RIPOR2: variants seen among roughly 807,000 people sequenced by gnomAD.
RIPOR2 encodes rho family-interacting cell polarization regulator 2.
In RIPOR2, 39 loss-of-function variants were observed where a neutral mutation model predicts 114.5. The ratio of observed to expected loss-of-function variants is 0.34; its 90% CI spans 0.26 to 0.44. RIPOR2 has a LOEUF of 0.44. Ranked by LOEUF, RIPOR2 falls within the 20% of genes least tolerant of loss-of-function variation. The probability of loss-of-function intolerance (pLI) is 1.00; values close to 1 mark genes in which losing one functional copy is unlikely to be tolerated. For synonymous variants in RIPOR2, 445 were observed against 484.4 expected (o/e 0.92, Z 1.07); for missense variants, 1,007 against 1,255.1 (o/e 0.80, Z 2.99).
chr6:25,008,845 A>G (rs772748265), intron 1 of RIPOR2, among the ~76,000 whole-genome samples: 1 of 152,238 alleles, frequency 6.6e-6, no homozygotes, highest in Non-Finnish European at 1.5e-5. Flanking sequence ...GTCTCCTTCC[A>G]TTCCCTCTAG....
At chr6:24,922,116 C>G (rs1770541375) in intron 1 of RIPOR2, among the ~76,000 whole-genome samples, 1 of 152,118 alleles carries the variant, frequency 6.6e-6, no homozygotes, top group Admixed American at 6.6e-5. Flanking sequence ...CAGGCATGAG[C>G]CACCACGCCT....
At chr6:24,837,409 C>T (rs1012804007) in intron 14 of RIPOR2, among the ~76,000 whole-genome samples, 31 of 151,962 alleles carry the variant, frequency 2.0e-4, no homozygotes, top group African/African-American at 7.3e-4. Context: ...AGTGAGCCAC[C>T]ACTCCCGGCC....
chr6:24,824,923 A>G (rs1760022614), intron 19 of RIPOR2, among the ~76,000 whole-genome samples: 1 of 152,236 alleles, frequency 6.6e-6, no homozygotes, highest in Admixed American at 6.5e-5. Context: ...TAACCATGAT[A>G]TATTACATTT....
chr6:25,007,234 A>T (rs1006697357), intron 1 of RIPOR2, among the ~76,000 whole-genome samples: 1 of 152,164 alleles, frequency 6.6e-6, no homozygotes, highest in Non-Finnish European at 1.5e-5. Context: ...AACAGAGGCT[A>T]TTCTGTGTCT....
rs772580001 is a variant in RIPOR2, at chr6:25,041,928, G to A, written c.-2C>T. On this transcript the variant is annotated 5_prime_UTR_variant, in exon 1 of 14. Transcript: ENST00000510784. ...GTGTAATCGCGAAGGTAACACCATG[G>A]TCCCAACAGAGCGGCCTAAAACCTG... The A allele has an allele frequency of 5.8e-5, 41 of 702,512 alleles. No homozygotes were observed. The highest frequency in any genetic ancestry group is 4.6e-4 in the Middle Eastern group (2 of 4,390). 43.5% of individuals were successfully genotyped at this position (702,512 alleles called of 1,614,324 possible). A position where few individuals can be genotyped will look rare whatever the true frequency, so the allele number is the denominator to read the frequency against.
intron 1 of RIPOR2, among the ~76,000 whole-genome samples, chr6:25,008,347 C>T (rs996322870): frequency 6.6e-6 from 1 of 152,158 alleles, no homozygotes; most frequent in African/African-American, 2.4e-5. Context: ...GGAGATGGCC[C>T]TGGATCATGC....
chr6:24,846,021 A>G (rs546702200), intron 12 of RIPOR2, among the ~76,000 whole-genome samples: 8 of 152,208 alleles, frequency 5.3e-5, no homozygotes, highest in African/African-American at 1.7e-4. Context: ...GGACCTTTGC[A>G]TTTATCTAAA....
chr6:24,857,595 C>A (rs940049573), intron 8 of RIPOR2, among the ~76,000 whole-genome samples: 1 of 152,110 alleles, frequency 6.6e-6, no homozygotes, highest in Admixed American at 6.5e-5. Flanking sequence ...AGTCACACTT[C>A]CTACTTTAAG....
chr6:24,940,174 AT>A, upstream of RIPOR2, among the ~76,000 whole-genome samples: 1 of 152,316 alleles, frequency 6.6e-6, no homozygotes, highest in South Asian at 2.1e-4. Flanking sequence ...ATAATAATTA[AT>A]AATTTATTAA....
At chr6:25,015,839 C>T (rs1775948526) in intron 1 of RIPOR2, 1 of 134,936 alleles carries the variant, frequency 7.4e-6, no homozygotes, top group African/African-American at 2.8e-5. Context: ...CATGGACCTA[C>T]AGAAAATGAA....
In RIPOR2 at chr6:24,825,212, G is replaced by A. The variant is rs1431137662; in HGVS notation, c.2868+14C>T. 3.9e-6 allele frequency: 6 copies of A among 1,543,910 alleles called. No individual in the cohort carries two copies. The highest frequency in any genetic ancestry group is 5.3e-6 in the Non-Finnish European group (6 of 1,141,710). On this transcript the variant is annotated intron_variant, in intron 19 of 21. Coordinates refer to ENST00000643898, the MANE Select transcript of RIPOR2 (RefSeq NM_001286445.3). Reference sequence around the variant, plus strand: ...ACCAGCTTCTGGCTTGATGGCCATGGTTTAGTGTCTTACCTTTTCCCTGAA... The same window carrying A: ...ACCAGCTTCTGGCTTGATGGCCATGATTTAGTGTCTTACCTTTTCCCTGAA...
intron 1 of RIPOR2, among the ~76,000 whole-genome samples, chr6:24,979,807 A>C (rs947306764): frequency 1.3e-5 from 2 of 152,260 alleles, no homozygotes; most frequent in Admixed American, 6.5e-5. Context: ...ATCCGGGTTC[A>C]AATCTCCATT....
At chr6:25,005,734 T>TACATAC (rs1554130543) in intron 1 of RIPOR2, among the ~76,000 whole-genome samples, 50 of 97,690 alleles carry the variant, frequency 5.1e-4, no homozygotes, top group African/African-American at 1.6e-3. Flanking sequence ...TATATATATA[T>TACATAC]ATATATACAT....
intron 15 of RIPOR2, among the ~76,000 whole-genome samples, chr6:24,833,276 G>T (rs1424663707): frequency 6.6e-6 from 1 of 152,114 alleles, no homozygotes; most frequent in Non-Finnish European, 1.5e-5. Flanking sequence ...GCTGAGGCAG[G>T]CAGATCACGA....
chr6:24,809,409 T>G (rs1374712831), intron 21 of RIPOR2, among the ~76,000 whole-genome samples: 3 of 152,204 alleles, frequency 2.0e-5, no homozygotes, highest in Non-Finnish European at 4.4e-5. Flanking sequence ...GGATTCCTAT[T>G]GCCTTTGCTT....
chr6:24,820,132 A>G (rs982822766), intron 19 of RIPOR2, among the ~76,000 whole-genome samples: 2 of 152,150 alleles, frequency 1.3e-5, no homozygotes, highest in South Asian at 2.1e-4. Flanking sequence ...TCCCGGGTTC[A>G]AGCGATTCTC....
intron 1 of RIPOR2, among the ~76,000 whole-genome samples, chr6:24,922,530 T>C (rs1345756125): frequency 2.0e-5 from 3 of 152,198 alleles, no homozygotes; most frequent in African/African-American, 7.2e-5. Flanking sequence ...TTTCCTGTTT[T>C]TTTTTGTACC....
At chr6:24,841,545 A>C (rs1761714174) in intron 13 of RIPOR2, among the ~76,000 whole-genome samples, 1 of 152,154 alleles carries the variant, frequency 6.6e-6, no homozygotes, top group Non-Finnish European at 1.5e-5. Flanking sequence ...GAGAAGGATA[A>C]GATGGTCAAA....
chr6:24,951,858 G>T (rs150432826), intron 1 of RIPOR2, among the ~76,000 whole-genome samples: 19 of 152,230 alleles, frequency 1.2e-4, no homozygotes, highest in African/African-American at 3.6e-4. Context: ...TGGGATGAGG[G>T]CATATGAGAA....
Sources: allele counts gnomAD v4.1 joint callset (sites outside exome capture counted in the v4.1 genomes callset), GRCh38; gene constraint gnomAD v4.1.1; transcripts MANE v1.5; gene names NCBI Gene and HGNC (gene_info 2026-07-23, HGNC 2026-07-21).